Variants in BCL2 observed in about 807,000 individuals in gnomAD.
BCL2 encodes apoptosis regulator Bcl-2.
Under a neutral mutation model 14.2 loss-of-function variants are expected in BCL2, and 1 was observed. The ratio of observed to expected loss-of-function variants is 0.07; its 90% CI spans 0.02 to 0.33. The LOEUF (loss-of-function observed/expected upper bound fraction) is 0.33. BCL2 is among the 10% of genes least tolerant of loss of function. The pLI, the probability that BCL2 is intolerant of heterozygous loss-of-function variation, is 0.99. For synonymous variants in BCL2, 151 were observed against 137.2 expected (o/e 1.10, Z -0.70); for missense variants, 247 against 305.9 (o/e 0.81, Z 1.44).
In BCL2 at chr18:63,252,954, C is replaced by T. The variant is rs868234065; in HGVS notation, c.585+65128G>A. ...AAGAGCAAGCAAAATAAATAGGTTC[C>T]TAACATCTGCTATTTCCCGATTTTT... On this transcript the variant is annotated intron_variant, in intron 2 of 2. Transcript: ENST00000333681. 2.0e-4 allele frequency among the ~76,000 whole-genome samples: 31 copies of T among 152,162 alleles called. 1 individual carries two copies. The highest frequency in any genetic ancestry group is 6.2e-4 in the South Asian group (3 of 4,824).
intron 2 of BCL2, among the ~76,000 whole-genome samples, chr18:63,166,944 G>A (rs886404544): frequency 2.6e-5 from 4 of 152,298 alleles, no homozygotes; most frequent in East Asian, 3.9e-4. Flanking sequence ...GAGACTACAC[G>A]GCAGAATGAG....
chr18:63,270,764 G>A (rs1182578470), intron 2 of BCL2, among the ~76,000 whole-genome samples: 2 of 151,854 alleles, frequency 1.3e-5, no homozygotes, highest in African/African-American at 4.8e-5. Flanking sequence ...CTAATAAATT[G>A]TTCACTGATA....
intron 2 of BCL2, among the ~76,000 whole-genome samples, chr18:63,134,596 C>T (rs553270072): frequency 6.6e-6 from 1 of 152,270 alleles, no homozygotes; most frequent in African/African-American, 2.4e-5. Flanking sequence ...CGAAATTCAG[C>T]TACATTCCAC....
rs549923312 is a variant in BCL2 at position 63,214,614 on chromosome 18, C to A, written c.586-85855G>T. ...GGAAATTTCTAGCTGCCACACTAAT[C>A]AAAAACTGTCGGGTAATAAAAAAAA... is the stretch of plus-strand genomic sequence containing the variant. On this transcript the variant is annotated intron_variant, in intron 2 of 2. Transcript: ENST00000333681. Among the ~76,000 whole-genome samples the A allele has an allele frequency of 5.4e-5, 8 of 149,216 alleles. No homozygotes were observed. In the East Asian group the frequency reaches 1.2e-3, roughly 22 times the overall value.
At chr18:63,197,786 A>T (rs1335925725) in intron 2 of BCL2, among the ~76,000 whole-genome samples, 1 of 152,114 alleles carries the variant, frequency 6.6e-6, no homozygotes, top group African/African-American at 2.4e-5. Flanking sequence ...TTTTGAATTC[A>T]AATGAAAAGC....
intron 2 of BCL2, among the ~76,000 whole-genome samples, chr18:63,198,912 CAG>C (rs1384726256): frequency 6.7e-6 from 1 of 149,208 alleles, no homozygotes. Flanking sequence ...CAGACATATA[CAG>C]ACACACACAG....
At chr18:63,232,619 A>T (rs1343385639) in intron 2 of BCL2, among the ~76,000 whole-genome samples, 1 of 152,250 alleles carries the variant, frequency 6.6e-6, no homozygotes, top group Admixed American at 6.5e-5. Context: ...CAGATTAGCA[A>T]ATTTTAAAAG....
intron 2 of BCL2, among the ~76,000 whole-genome samples, chr18:63,279,163 T>C (rs531997765): frequency 2.9e-4 from 44 of 152,152 alleles, no homozygotes; most frequent in Non-Finnish European, 5.7e-4. Flanking sequence ...ACACAACAAG[T>C]GCCAACCATG....
intron 2 of BCL2, among the ~76,000 whole-genome samples, chr18:63,267,969 C>T (rs1430574266): frequency 2.0e-5 from 3 of 152,128 alleles, no homozygotes; most frequent in African/African-American, 4.8e-5. Context: ...ACATGCTTCA[C>T]GTGAAGTAAC....
chr18:63,302,047 G>A (rs938058880), intron 2 of BCL2, among the ~76,000 whole-genome samples: 29 of 152,186 alleles, frequency 1.9e-4, no homozygotes, highest in African/African-American at 6.8e-4. Context: ...GAGGAGGCCA[G>A]GTGTGGTGGC....
intron 2 of BCL2, among the ~76,000 whole-genome samples, chr18:63,222,997 C>T (rs996502784): frequency 1.1e-4 from 17 of 152,146 alleles, no homozygotes; most frequent in African/African-American, 3.9e-4. Flanking sequence ...AAGCTGAATC[C>T]TCAGTGAGGA....
chr18:63,303,252 C>A (rs1314694767), intron 2 of BCL2, among the ~76,000 whole-genome samples: 1 of 152,122 alleles, frequency 6.6e-6, no homozygotes, highest in Non-Finnish European at 1.5e-5. Context: ...CACTCTGACC[C>A]CTGTAAGAGC....
chr18:63,204,213 C>G (rs536340771), intron 2 of BCL2, among the ~76,000 whole-genome samples: 5 of 152,204 alleles, frequency 3.3e-5, no homozygotes, highest in Admixed American at 6.5e-5. Context: ...AGGTGTCCAT[C>G]ATCAGGGGCT....
chr18:63,302,689 TA>T, intron 2 of BCL2: 4 of 984,616 alleles, frequency 4.1e-6, no homozygotes, highest in Non-Finnish European at 4.8e-6. Context: ...ACAAGAGATA[TA>T]TAAATAAATG....
At chr18:63,130,623 T>TA (rs1276284682) in intron 2 of BCL2, among the ~76,000 whole-genome samples, 8 of 152,220 alleles carry the variant, frequency 5.3e-5, no homozygotes, top group African/African-American at 1.2e-4. Context: ...ATTGTTAGGG[T>TA]AACTTTCCAC....
chr18:63,178,275 C>A (rs530004133), intron 2 of BCL2, among the ~76,000 whole-genome samples: 1 of 152,154 alleles, frequency 6.6e-6, no homozygotes, highest in Non-Finnish European at 1.5e-5. Context: ...GAAAGCACTC[C>A]GAGATGCCAA....
intron 2 of BCL2, among the ~76,000 whole-genome samples, chr18:63,307,140 T>C (rs1913167702): frequency 6.6e-6 from 1 of 152,200 alleles, no homozygotes; most frequent in Non-Finnish European, 1.5e-5. Context: ...TGCAAGTGAA[T>C]CCTTTGCCAT....
rs1449927191 is a variant in BCL2 at position 63,149,827 on chromosome 18, G to A, written c.586-21068C>T. Among the ~76,000 whole-genome samples the A allele has an allele frequency of 6.6e-6, 1 of 151,974 alleles. No individual in the cohort carries two copies. The highest frequency in any genetic ancestry group is 2.4e-5 in the African/African-American group (1 of 41,356). ...AATTATATGGCTCTCTACAGAAAGG[G>A]TTCTCCTGACATGAGGCATTTATTT... is the stretch of plus-strand genomic sequence containing the variant. On this transcript the variant is annotated intron_variant, in intron 2 of 2. Transcript: ENST00000333681. The surrounding 1 kb of genome is among the most constrained non-coding windows in gnomAD (Gnocchi z 4.2).
intron 2 of BCL2, among the ~76,000 whole-genome samples, chr18:63,266,639 A>T (rs75133383): frequency 1.9e-3 from 257 of 135,474 alleles, no homozygotes; most frequent in South Asian, 0.011. Context: ...TCTCTCTCTC[A>T]CACACACACA....
Sources: gnomAD v4.1 joint callset for allele counts (sites outside exome capture counted in the v4.1 genomes callset) on GRCh38, gnomAD v4.1.1 for gene constraint, Gnocchi (gnomAD v3.1) non-coding constraint, MANE v1.5 for transcripts, NCBI Gene and HGNC (gene_info 2026-07-23, HGNC 2026-07-21) for gene names.